The following NCLN variants were observed in gnomAD, a reference collection of about 807,000 sequenced individuals.
The protein encoded by NCLN is nicalin, also known as BOS complex subunit NCLN.
Under a neutral mutation model 69.5 loss-of-function variants are expected in NCLN, and 34 were observed. The observed-to-expected ratio is 0.49, with a 90% confidence interval of 0.37 to 0.65. NCLN has a LOEUF of 0.65. Ranked by LOEUF, NCLN falls within the 30% of genes least tolerant of loss-of-function variation. NCLN has a pLI of 0.00. For synonymous variants in NCLN, 393 were observed against 358.3 expected (o/e 1.10, Z -1.09); for missense variants, 710 against 804.8 (o/e 0.88, Z 1.42).
At position 3,209,496 on chromosome 19, in the gene NCLN, C is replaced by CT. The variant is rs1224779962; in HGVS notation, c.*1809dup. ...TGGACAGGTCGTCATGATGGATGCA[C>CT]TGACTGACCGTCTGGGGCTCAGGCT... On this transcript the variant is annotated 3_prime_UTR_variant, in exon 15 of 15. Transcript: ENST00000246117. 1 of 152,308 alleles carries CT rather than the reference C, an allele frequency of 6.6e-6. No homozygotes were observed. The highest frequency in any genetic ancestry group is 1.5e-5 in the Non-Finnish European group (1 of 68,078). 9.4% of individuals were successfully genotyped at this position (152,308 alleles called of 1,614,324 possible).
intron 5 of NCLN, among the ~76,000 whole-genome samples, chr19:3,200,011 G>T (rs1916084780): frequency 6.6e-6 from 1 of 151,434 alleles, no homozygotes; most frequent in South Asian, 2.1e-4. Flanking sequence ...TGCCTCCTTT[G>T]AACACAAATC....
At chr19:3,199,646 G>T (rs533817997) in intron 5 of NCLN, among the ~76,000 whole-genome samples, 2 of 151,624 alleles carry the variant, frequency 1.3e-5, no homozygotes, top group East Asian at 1.9e-4. Context: ...GGAGTGGGGT[G>T]GGGGGGCATG....
chr19:3,186,810 C>A (rs1188771160), intron 1 of NCLN, among the ~76,000 whole-genome samples: 1 of 152,042 alleles, frequency 6.6e-6, no homozygotes, highest in East Asian at 1.9e-4. Flanking sequence ...CATTCCCCAC[C>A]CCCTCCCACG....
At chr19:3,198,196 G>T (rs1265482689) in intron 4 of NCLN, among the ~76,000 whole-genome samples, 1 of 152,096 alleles carries the variant, frequency 6.6e-6, no homozygotes, top group African/African-American at 2.4e-5. Context: ...GAGGGGCTCA[G>T]CCCCGTTCCT....
In NCLN at chr19:3,186,080, G is replaced by A. The variant is rs1246399295; in HGVS notation, c.50G>A (p.Cys17Tyr). Residue 17 changes from cysteine to tyrosine, a missense_variant, in exon 1 of 15, where the codon TGT becomes TAT. Coordinates refer to ENST00000246117, the MANE Select transcript of NCLN (RefSeq NM_020170.4). The stretch of plus-strand genomic sequence containing the variant: ...CTGGAGAACATGCTGAAGGCGTCTT[G>A]TCTGCCGCTCGGCTTCATCGTCTTC... ...EVLENMLKAS[C>Y]LPLGFIVFLP... The A allele has an allele frequency of 4.4e-6, 7 of 1,599,390 alleles. No homozygotes were observed. Among genetic ancestry groups the A allele is most frequent in the Non-Finnish European group, 6.0e-6 (7 of 1,174,918 alleles).
chr19:3,193,648 C>G (rs1915888328), intron 3 of NCLN, among the ~76,000 whole-genome samples: 1 of 152,262 alleles, frequency 6.6e-6, no homozygotes, highest in African/African-American at 2.4e-5. Flanking sequence ...CCTGTCCCCC[C>G]TCCCAGCTGC....
At chr19:3,206,922 A>T (rs942679792) in intron 12 of NCLN, among the ~76,000 whole-genome samples, 1 of 152,090 alleles carries the variant, frequency 6.6e-6, no homozygotes. Flanking sequence ...CCCGGCTTCA[A>T]GTGATTCTCG....
rs554789232 is a variant in NCLN at position 3,207,716 on chromosome 19, C to A, written c.*28C>A. ...CAGCCACCCCCACAGCCGGAGCCCC[C>A]GCCGCTCCACAGTCCCTGGGGCCGA... On this transcript the variant is annotated 3_prime_UTR_variant, in exon 15 of 15. Transcript: ENST00000246117. 2.5e-5 allele frequency: 39 copies of A among 1,589,720 alleles called. No homozygotes were observed. The highest frequency in any genetic ancestry group is 3.4e-5 in the Non-Finnish European group (39 of 1,159,824).
At position 3,201,577 on chromosome 19, in the gene NCLN, C is replaced by A; in HGVS notation, c.751C>A (p.Leu251Met). The change falls in exon 6 of 15, where the codon CTG (leucine) becomes ATG (methionine). Residue 251 changes from leucine (L) to methionine (M), a missense_variant. Physicochemically the swap from Leu to Met is conservative, Grantham distance 15. Transcript: ENST00000246117. ...NGSGVSVLLE[L>M]ARLFSRLYTY... ...GAGCGGCGTCTCTGTGCTGCTGGAG[C>A]TGGCACGCCTCTTCTCCCGGCTCTA... The A allele has an allele frequency of 6.4e-7, 1 of 1,558,568 alleles. No homozygotes were observed. The highest frequency in any genetic ancestry group is 2.3e-5 in the East Asian group (1 of 42,816).
rs561843074 is a variant in NCLN at position 3,203,555 on chromosome 19, C to T, written c.801-201C>T. 3.3e-5 allele frequency among the ~76,000 whole-genome samples: 5 copies of T among 152,258 alleles called. No individual in the cohort carries two copies. The South Asian group carries it at 1.0e-3, about 32-fold the overall frequency. ...ATGCCACTCAGCACCCTGAAGTGCC[C>T]AGGACAGCCTCACCTCAGAGAACCA... On this transcript the variant is annotated intron_variant, in intron 6 of 14. Coordinates refer to ENST00000246117, the MANE Select transcript of NCLN (RefSeq NM_020170.4).
chr19:3,190,008 C>T (rs193290844), intron 1 of NCLN, among the ~76,000 whole-genome samples: 1 of 152,360 alleles, frequency 6.6e-6, no homozygotes, highest in East Asian at 1.9e-4. Context: ...CTCGCTCACT[C>T]CCTATCCCGC....
chr19:3,194,534 C>T (rs1256307247), intron 3 of NCLN, among the ~76,000 whole-genome samples: 1 of 152,232 alleles, frequency 6.6e-6, no homozygotes, highest in Non-Finnish European at 1.5e-5. Context: ...GTGGCTTTCC[C>T]AGCAGCAGAA....
At chr19:3,193,907 GC>G (rs1482185057) in intron 3 of NCLN, among the ~76,000 whole-genome samples, 3 of 152,252 alleles carry the variant, frequency 2.0e-5, no homozygotes, top group African/African-American at 7.2e-5. Context: ...GGAACCCGGA[GC>G]TCTGTGGTGG....
intron 5 of NCLN, among the ~76,000 whole-genome samples, chr19:3,201,277 C>T (rs893932560): frequency 2.6e-5 from 4 of 152,162 alleles, no homozygotes; most frequent in Non-Finnish European, 4.4e-5. Flanking sequence ...GGCGGGGCCC[C>T]GCAGACCCCA....
intron 8 of NCLN, 132 bp from the exon 9 acceptor site, chr19:3,204,441 C>T: frequency 9.6e-7 from 1 of 1,037,938 alleles, no homozygotes; most frequent in Non-Finnish European, 1.3e-6. Flanking sequence ...CTTAGGGGGA[C>T]CCCGGGGGCA....
chr19:3,203,771 C>T lies in NCLN; in HGVS notation c.816C>T (p.Phe272=), dbSNP rs1916186551. The T allele has an allele frequency of 1.2e-6, 2 of 1,612,762 alleles. No individual in the cohort carries two copies. Among genetic ancestry groups the T allele is most frequent in the Non-Finnish European group, 1.7e-6 (2 of 1,179,622 alleles). The part of the protein sequence containing the change: ...KRTHAAYNLL[F]FASGGGKFNY... ...TCCCTCCCAGCTACAACCTCCTGTT[C>T]TTTGCGTCTGGAGGAGGCAAGTTTA... is the stretch of plus-strand genomic sequence containing the variant. Residue 272 remains phenylalanine, a synonymous_variant, in exon 7 of 15, where the codon TTC becomes TTT. Coordinates refer to ENST00000246117, the MANE Select transcript of NCLN (RefSeq NM_020170.4).
chr19:3,197,099 C>G (rs989690317), intron 4 of NCLN, among the ~76,000 whole-genome samples: 1 of 152,222 alleles, frequency 6.6e-6, no homozygotes, highest in African/African-American at 2.4e-5. Flanking sequence ...GGCGGCTGTT[C>G]TGTTTGTTCC....
rs766304986 is a variant in NCLN at position 3,205,874 on chromosome 19, A to G, written c.1209-65A>G. On this transcript the variant is annotated intron_variant, in intron 9 of 14. Transcript: ENST00000246117. The surrounding 1 kb of genome is among the most constrained non-coding windows in gnomAD (Gnocchi z 4.6). ...CCTAGGCTGGAGTGCTGGGATTACA[A>G]GTGTGAGAGCTACCTTGCCTGGCCC... is the stretch of plus-strand genomic sequence containing the variant. The G allele has an allele frequency of 9.7e-6, 14 of 1,447,356 alleles. No individual in the cohort carries two copies. In the South Asian group the frequency reaches 1.6e-4, roughly 17 times the overall value. The allele number at this position is 1,447,356 out of a possible 1,614,324, so 89.7% of individuals were successfully genotyped here. A position where few individuals can be genotyped will look rare whatever the true frequency, so the allele number is the denominator to read the frequency against.
intron 1 of NCLN, among the ~76,000 whole-genome samples, chr19:3,187,714 C>T (rs1181880598): frequency 6.6e-6 from 1 of 152,160 alleles, no homozygotes; most frequent in Admixed American, 6.5e-5. Flanking sequence ...CCAGGACGGC[C>T]CCACCCCAGA....
Sources: gnomAD v4.1 joint callset for allele counts (sites outside exome capture counted in the v4.1 genomes callset) on GRCh38, gnomAD v4.1.1 for gene constraint, Gnocchi (gnomAD v3.1) non-coding constraint, MANE v1.5 for transcripts, NCBI Gene and HGNC (gene_info 2026-07-23, HGNC 2026-07-21) for gene names.